The following HPSE2 variants were observed in gnomAD, a reference collection of about 807,000 sequenced individuals.
HPSE2 encodes the protein heparanase 2 (inactive), also known as inactive heparanase-2.
HPSE2 carries 38 observed loss-of-function variants against 60.5 expected under a neutral mutation model. That is an observed-to-expected ratio of 0.63 (90% CI 0.48 to 0.82). HPSE2 has a LOEUF of 0.82. Ranked by LOEUF, HPSE2 falls within the 40% of genes least tolerant of loss-of-function variation. HPSE2 has a pLI of 0.00. For missense variants in HPSE2, 713 were observed against 740.4 expected, an observed-to-expected ratio of 0.96 and a Z score of 0.43; for synonymous variants, 295 against 293.2, an observed-to-expected ratio of 1.01 and a Z score of -0.06.
chr10:98,845,017 G>A (rs2071449043), intron 3 of HPSE2, among the ~76,000 whole-genome samples: 1 of 152,150 alleles, frequency 6.6e-6, no homozygotes, highest in Admixed American at 6.6e-5. Flanking sequence ...TAATTTCCTG[G>A]CTGAAGACAT....
At chr10:98,462,945 T>G (rs375499184) in intron 11 of HPSE2, among the ~76,000 whole-genome samples, 6 of 142,894 alleles carry the variant, frequency 4.2e-5, no homozygotes, top group East Asian at 4.1e-4. Context: ...CCTCAAACTC[T>G]GTCCTTATCT....
At chr10:98,510,574 A>G (rs111653067) in intron 9 of HPSE2, among the ~76,000 whole-genome samples, 1 of 152,220 alleles carries the variant, frequency 6.6e-6, no homozygotes, top group African/African-American at 2.4e-5. Context: ...CTGCAGGCCC[A>G]TGAGACTTTT....
intron 3 of HPSE2, among the ~76,000 whole-genome samples, chr10:98,869,581 G>A (rs891416976): frequency 6.8e-4 from 103 of 152,104 alleles, no homozygotes; most frequent in African/African-American, 2.4e-3. Context: ...ATACAGTTCC[G>A]TCACAGACTT....
chr10:99,238,957 C>T (rs772788388), upstream of HPSE2, among the ~76,000 whole-genome samples: 23 of 151,910 alleles, frequency 1.5e-4, no homozygotes, highest in Non-Finnish European at 2.4e-4. Flanking sequence ...GTAAGGAGTT[C>T]GAGACCAACC....
chr10:98,836,006 C>T (rs1460253199), intron 3 of HPSE2, among the ~76,000 whole-genome samples: 1 of 152,148 alleles, frequency 6.6e-6, no homozygotes, highest in Non-Finnish European at 1.5e-5. Flanking sequence ...AGATTTACAG[C>T]AATCGATCAA....
At chr10:98,803,546 C>T (rs1293765088) in intron 3 of HPSE2, among the ~76,000 whole-genome samples, 11 of 152,066 alleles carry the variant, frequency 7.2e-5, no homozygotes, top group Admixed American at 1.3e-4. Flanking sequence ...ATATGGCTAG[C>T]CAGTTTTCCC....
chr10:98,606,667 T>C (rs527409042), intron 9 of HPSE2, among the ~76,000 whole-genome samples: 1 of 152,270 alleles, frequency 6.6e-6, no homozygotes, highest in South Asian at 2.1e-4. Context: ...TTGATAATAA[T>C]TGAAAGTTAG....
intron 9 of HPSE2, among the ~76,000 whole-genome samples, chr10:98,532,922 C>A (rs1222007362): frequency 1.3e-5 from 2 of 152,140 alleles, no homozygotes; most frequent in Non-Finnish European, 2.9e-5. Context: ...TGACCTGATT[C>A]TTTCTCTTTC....
At chr10:98,853,916 A>G (rs1952244069) in intron 3 of HPSE2, among the ~76,000 whole-genome samples, 1 of 152,178 alleles carries the variant, frequency 6.6e-6, no homozygotes, top group East Asian at 1.9e-4. Context: ...AGACAAGTGA[A>G]AGGGAACATT....
chr10:99,081,930 C>G (rs1843158871), intron 3 of HPSE2, among the ~76,000 whole-genome samples: 1 of 152,196 alleles, frequency 6.6e-6, no homozygotes, highest in Non-Finnish European at 1.5e-5. Flanking sequence ...GCCACCCCGC[C>G]CAGCCGATGA....
intron 2 of HPSE2, among the ~76,000 whole-genome samples, chr10:99,167,774 C>T (rs940406886): frequency 2.6e-5 from 4 of 152,006 alleles, no homozygotes; most frequent in Non-Finnish European, 5.9e-5. Flanking sequence ...CACACGTATA[C>T]AGAAAAGTTT....
intron 3 of HPSE2, among the ~76,000 whole-genome samples, chr10:98,872,528 T>C (rs569366265): frequency 3.0e-4 from 46 of 152,260 alleles, no homozygotes; most frequent in African/African-American, 1.1e-3. Flanking sequence ...CTTTTTAATG[T>C]AAATACTTAT....
At chr10:99,153,709 A>C (rs1846389653) in intron 2 of HPSE2, among the ~76,000 whole-genome samples, 1 of 152,276 alleles carries the variant, frequency 6.6e-6, no homozygotes. Context: ...CCTCCTCCAA[A>C]GGAACGCAGT....
intron 9 of HPSE2, among the ~76,000 whole-genome samples, chr10:98,613,184 C>T (rs111979433): frequency 1.3e-5 from 2 of 152,334 alleles, no homozygotes; most frequent in African/African-American, 4.8e-5. Flanking sequence ...ATTACTAGTC[C>T]TCTCCAGTGC....
chr10:98,937,863 C>A (rs551802923), intron 3 of HPSE2, among the ~76,000 whole-genome samples: 3,642 of 143,026 alleles, frequency 0.025, 393 homozygotes, highest in Admixed American at 0.06. Context: ...TGACACCTCA[C>A]ATGGCCCAGT....
At chr10:98,750,335 T>C (rs1949730784) in intron 3 of HPSE2, among the ~76,000 whole-genome samples, 2 of 152,106 alleles carry the variant, frequency 1.3e-5, no homozygotes, top group Non-Finnish European at 2.9e-5. Context: ...CAAGGACATG[T>C]CACGAAGGGC....
chr10:98,629,177 C>A (rs770318106), intron 7 of HPSE2, among the ~76,000 whole-genome samples: 2 of 152,234 alleles, frequency 1.3e-5, no homozygotes, highest in Non-Finnish European at 2.9e-5. Context: ...GAATAGCGGA[C>A]AGGCCAGCTG....
chr10:98,511,606 G>A (rs964959316), intron 9 of HPSE2, among the ~76,000 whole-genome samples: 1 of 146,758 alleles, frequency 6.8e-6, no homozygotes, highest in Non-Finnish European at 1.5e-5. Context: ...GTTTGTGTGT[G>A]TGTGTGCGCA....
intron 3 of HPSE2, among the ~76,000 whole-genome samples, chr10:99,078,828 C>T (rs1376649829): frequency 1.3e-5 from 2 of 151,994 alleles, no homozygotes; most frequent in African/African-American, 4.8e-5. Flanking sequence ...AGGTAAAGGC[C>T]CTCTTCAATC....
Sources: gnomAD v4.1 joint callset for allele counts (sites outside exome capture counted in the v4.1 genomes callset) on GRCh38, gnomAD v4.1.1 for gene constraint, MANE v1.5 for transcripts, NCBI Gene and HGNC (gene_info 2026-07-23, HGNC 2026-07-21) for gene names.